KIF26B: variants seen among roughly 807,000 people sequenced by gnomAD.
KIF26B encodes the protein kinesin-like protein KIF26B.
KIF26B carries 63 observed loss-of-function variants against 151.2 expected under a neutral mutation model. The ratio of observed to expected loss-of-function variants is 0.42; its 90% CI spans 0.34 to 0.51. KIF26B has a LOEUF of 0.51. Among genes scored for constraint, KIF26B ranks in the 20% least tolerant of loss-of-function variants. The pLI is 0.07. For missense variants in KIF26B, 2,813 were observed against 2,913.6 expected (o/e 0.97, Z 0.79); for synonymous variants, 1,357 against 1,262.1 (o/e 1.08, Z -1.59).
Position 245,602,903 on chromosome 1 carries a change from T to C in KIF26B, c.1557+120T>C. ...GGAGCATTCTGATGGACCAGTTCCTTCAGGAGTCAATCTGAGCTCCACCGA... is the reference window on the plus strand; with the variant it reads ...GGAGCATTCTGATGGACCAGTTCCTCCAGGAGTCAATCTGAGCTCCACCGA... On this transcript the variant is annotated intron_variant, in intron 6 of 14. Transcript: ENST00000407071. The surrounding 1 kb of genome is among the most constrained non-coding windows in gnomAD (Gnocchi z 4.5). 1 of 872,134 alleles carries C rather than the reference T, an allele frequency of 1.1e-6. No homozygotes were observed. The allele number at this position is 872,134 out of a possible 1,614,324, so 54.0% of individuals were successfully genotyped here. A position where few individuals can be genotyped will look rare whatever the true frequency, so the allele number is the denominator to read the frequency against.
intron 4 of KIF26B, among the ~76,000 whole-genome samples, chr1:245,466,958 A>G (rs1223088504): frequency 6.6e-6 from 1 of 152,044 alleles, no homozygotes; most frequent in Non-Finnish European, 1.5e-5. Context: ...AAACACAAAA[A>G]CTTTCTGGTT....
intron 5 of KIF26B, among the ~76,000 whole-genome samples, chr1:245,571,624 C>T (rs1253031836): frequency 6.6e-6 from 1 of 152,198 alleles, no homozygotes; most frequent in African/African-American, 2.4e-5. Flanking sequence ...GCCTTCCTCA[C>T]GATTTTAGAA....
chr1:245,506,521 G>A lies in KIF26B; in HGVS notation c.1167-34246G>A, dbSNP rs143497611. Among the ~76,000 whole-genome samples the A allele has an allele frequency of 2.9e-3, 446 of 152,214 alleles. 1 individual carries two copies. The highest frequency in any genetic ancestry group is 1.0e-2 in the African/African-American group (415 of 41,518). On this transcript the variant is annotated intron_variant, in intron 4 of 14. Transcript: ENST00000407071. ...TATATGAGTTTTGTTTTTCAAATTA[G>A]TGGATGGCCTTAGGTACCATTTTGT... is the stretch of plus-strand genomic sequence containing the variant.
chr1:245,609,146 T>C, intron 7 of KIF26B, 120 bp from the exon 8 acceptor site: 1 of 923,910 alleles, frequency 1.1e-6, no homozygotes, highest in Non-Finnish European at 1.6e-6. Context: ...TTGTTCCTTC[T>C]CTTCCCTTTT....
In KIF26B at chr1:245,389,287, A is replaced by G. The variant is rs141047072; in HGVS notation, c.999+21920A>G. On this transcript the variant is annotated intron_variant, in intron 3 of 14. Coordinates refer to ENST00000407071, the MANE Select transcript of KIF26B (RefSeq NM_018012.4). ...CACCATCATGCCCGGCTAATTTTGTATTTTTAGTAGAGACAGGGTTTCACC... is the reference window on the plus strand; with the variant it reads ...CACCATCATGCCCGGCTAATTTTGTGTTTTTAGTAGAGACAGGGTTTCACC... Among the ~76,000 whole-genome samples, 196 of 151,958 alleles carry G rather than the reference A, an allele frequency of 1.3e-3. 2 individuals carry two copies. In the East Asian group the frequency reaches 0.029, roughly 22 times the overall value.
chr1:245,548,707 GA>G (rs1661807350), intron 5 of KIF26B, among the ~76,000 whole-genome samples: 1 of 150,710 alleles, frequency 6.6e-6, no homozygotes, highest in South Asian at 2.1e-4. Flanking sequence ...ATCAGAATTT[GA>G]ATAAGAGATT....
At chr1:245,260,162 G>A (rs536930575) in intron 2 of KIF26B, among the ~76,000 whole-genome samples, 1 of 152,188 alleles carries the variant, frequency 6.6e-6, no homozygotes, top group East Asian at 1.9e-4. Context: ...TGAGAAGCTG[G>A]ACTCTCTCAG....
intron 9 of KIF26B, among the ~76,000 whole-genome samples, chr1:245,633,760 T>G (rs1395794146): frequency 6.6e-6 from 1 of 152,208 alleles, no homozygotes; most frequent in East Asian, 1.9e-4. Flanking sequence ...ATGGTTTTTA[T>G]GTACACATTT....
intron 4 of KIF26B, among the ~76,000 whole-genome samples, chr1:245,439,827 G>A (rs968618432): frequency 2.6e-5 from 4 of 152,122 alleles, no homozygotes; most frequent in African/African-American, 7.2e-5. Context: ...TAAATGTGTT[G>A]GACATCATCG....
rs575682348 is a variant in KIF26B at position 245,634,693 on chromosome 1, C to A, written c.2099-11428C>A. Among the ~76,000 whole-genome samples, 4 of 152,012 alleles carry A rather than the reference C, an allele frequency of 2.6e-5. No homozygotes were observed. The East Asian group carries it at 7.7e-4, about 29-fold the overall frequency. On this transcript the variant is annotated intron_variant, in intron 9 of 14. Transcript: ENST00000407071. Reference sequence around the variant, plus strand: ...AACCTCACTTGCTCATGGTATAAAACCCTTTGTATTTGTTGCTAGATACAA... The same window carrying A: ...AACCTCACTTGCTCATGGTATAAAAACCTTTGTATTTGTTGCTAGATACAA...
At chr1:245,255,142 G>T (rs1003975881) in intron 2 of KIF26B, among the ~76,000 whole-genome samples, 3 of 152,166 alleles carry the variant, frequency 2.0e-5, no homozygotes, top group African/African-American at 7.2e-5. Flanking sequence ...TTGTTCATGT[G>T]ATGCCCTCCA....
chr1:245,274,267 C>T lies in KIF26B; in HGVS notation c.466-92567C>T, dbSNP rs1263493300. 4.6e-5 allele frequency among the ~76,000 whole-genome samples: 7 copies of T among 151,910 alleles called. 1 individual carries two copies. The highest frequency in any genetic ancestry group is 4.6e-4 in the Admixed American group (7 of 15,248). ...TACTTTAAGTTCTGGGATACATGTG[C>T]AGAACCTGCAGGTTTGTTTCATAGG... On this transcript the variant is annotated intron_variant, in intron 2 of 14. Coordinates refer to ENST00000407071, the MANE Select transcript of KIF26B (RefSeq NM_018012.4).
chr1:245,387,745 A>G (rs1673587182), intron 3 of KIF26B, among the ~76,000 whole-genome samples: 1 of 152,142 alleles, frequency 6.6e-6, no homozygotes, highest in African/African-American at 2.4e-5. Flanking sequence ...CTTCCCTAAT[A>G]TGCATGATAC....
At chr1:245,501,669 T>A (rs1388225913) in intron 4 of KIF26B, among the ~76,000 whole-genome samples, 1 of 152,232 alleles carries the variant, frequency 6.6e-6, no homozygotes, top group Non-Finnish European at 1.5e-5. Context: ...GGAATTCATA[T>A]CAAAATTAGA....
chr1:245,234,147 G>T (rs1670055491), intron 2 of KIF26B, among the ~76,000 whole-genome samples: 5 of 151,714 alleles, frequency 3.3e-5, no homozygotes, highest in Admixed American at 3.3e-4. Context: ...TCGCGCCACT[G>T]CACTTCAGCC....
chr1:245,190,639 G>GTTT (rs56019423), intron 2 of KIF26B, among the ~76,000 whole-genome samples: 8 of 140,114 alleles, frequency 5.7e-5, no homozygotes, highest in Admixed American at 2.1e-4. Flanking sequence ...GTTTTGTTTT[G>GTTT]TTTTTTTTTT....
intron 2 of KIF26B, among the ~76,000 whole-genome samples, chr1:245,310,175 A>ATG (rs1170165218): frequency 2.0e-5 from 3 of 147,722 alleles, no homozygotes; most frequent in Non-Finnish European, 4.5e-5. Flanking sequence ...CTCTCACTAT[A>ATG]TGTATATATA....
At chr1:245,460,326 T>C (rs1185114987) in intron 4 of KIF26B, among the ~76,000 whole-genome samples, 1 of 152,184 alleles carries the variant, frequency 6.6e-6, no homozygotes, top group African/African-American at 2.4e-5. Flanking sequence ...GCACATCTTC[T>C]CTTCTCTGGG....
Position 245,366,869 on chromosome 1 carries a change from C to T in KIF26B, c.501C>T (p.Leu167=). 1 of 1,614,054 alleles carries T rather than the reference C, an allele frequency of 6.2e-7. No homozygotes were observed. ...PAFSAVIHDK[L]QVPNTIRKAW... ...TCTCGGCTGTGATTCACGACAAACT[C>T]CAGGTCCCCAACACCATCCGGAAGG... The change falls in exon 3 of 15, where the codon CTC becomes CTT. Residue 167 remains leucine, a synonymous_variant. Coordinates refer to ENST00000407071, the MANE Select transcript of KIF26B (RefSeq NM_018012.4).
Sources: gnomAD v4.1 joint callset for allele counts (sites outside exome capture counted in the v4.1 genomes callset) on GRCh38, gnomAD v4.1.1 for gene constraint, Gnocchi (gnomAD v3.1) non-coding constraint, MANE v1.5 for transcripts, NCBI Gene and HGNC (gene_info 2026-07-23, HGNC 2026-07-21) for gene names.